The following MICU3 variants were observed in gnomAD, a reference collection of about 807,000 sequenced individuals.
MICU3 encodes the protein mitochondrial calcium uptake 3, also known as calcium uptake protein 3, mitochondrial.
MICU3 carries 62 observed loss-of-function variants against 66.5 expected under a neutral mutation model. The ratio of observed to expected loss-of-function variants is 0.93; its 90% CI spans 0.76 to 1.15. The LOEUF (loss-of-function observed/expected upper bound fraction) is 1.15, where lower values mean the gene tolerates loss of function less well. MICU3 is among the 50% of genes most tolerant of loss of function. The pLI is 0.00. For synonymous variants in MICU3, 308 were observed against 240.7 expected (o/e 1.28, Z -2.59); for missense variants, 779 against 664.4 (o/e 1.17, Z -1.90).
chr8:17,117,798 C>T (rs2150840196), intron 13 of MICU3, among the ~76,000 whole-genome samples: 1 of 152,188 alleles, frequency 6.6e-6, no homozygotes, highest in South Asian at 2.1e-4. Context: ...TTAGTAGAGA[C>T]AGGGTTTTGC....
intron 5 of MICU3, chr8:17,082,007 C>T (rs928431817): frequency 3.6e-6 from 1 of 275,622 alleles, no homozygotes; most frequent in Non-Finnish European, 6.8e-6. Flanking sequence ...CTACCTCAGA[C>T]TCCAAAGGTC....
intron 14 of MICU3, among the ~76,000 whole-genome samples, chr8:17,119,185 G>A (rs1373652466): frequency 1.3e-5 from 2 of 152,102 alleles, no homozygotes; most frequent in Non-Finnish European, 2.9e-5. Flanking sequence ...AAAAATCAAT[G>A]TTTAACAAGT....
chr8:17,054,236 A>G (rs1816548575), intron 1 of MICU3, among the ~76,000 whole-genome samples: 2 of 152,184 alleles, frequency 1.3e-5, no homozygotes, highest in Non-Finnish European at 2.9e-5. Flanking sequence ...AGAAATTGTA[A>G]TATTATTACA....
chr8:17,133,703 G>T, the MICU3 span, among the ~76,000 whole-genome samples: 2 of 152,116 alleles, frequency 1.3e-5, no homozygotes, highest in South Asian at 4.1e-4. Context: ...GACCTAGTTT[G>T]TTTGACCCAC....
Position 17,090,598 on chromosome 8 carries a change from T to C in MICU3, c.888+14T>C. ...CCTACTAATAGTGTATGTACAATAC[T>C]TTAAATGTTCTTTATGTATATAGCC... On this transcript the variant is annotated intron_variant, in intron 8 of 14. Coordinates refer to ENST00000318063, the MANE Select transcript of MICU3 (RefSeq NM_181723.3). 1 of 1,590,298 alleles carries C rather than the reference T, an allele frequency of 6.3e-7. No homozygotes were observed. The highest frequency in any genetic ancestry group is 8.6e-7 in the Non-Finnish European group (1 of 1,164,096).
chr8:17,091,006 CTT>C (rs1403283063), intron 8 of MICU3, among the ~76,000 whole-genome samples: 1 of 151,962 alleles, frequency 6.6e-6, no homozygotes, highest in African/African-American at 2.4e-5. Flanking sequence ...AATGGATAGA[CTT>C]TTTTTCATTT....
intron 14 of MICU3, among the ~76,000 whole-genome samples, chr8:17,119,888 A>G (rs1206918589): frequency 1.3e-5 from 2 of 152,160 alleles, no homozygotes; most frequent in Non-Finnish European, 2.9e-5. Context: ...TGAGTTAACA[A>G]AAGAAGTCAG....
intron 1 of MICU3, among the ~76,000 whole-genome samples, chr8:17,061,440 G>C (rs562094759): frequency 6.6e-6 from 1 of 152,252 alleles, no homozygotes; most frequent in East Asian, 1.9e-4. Context: ...CTGGGGGATT[G>C]TTAGACTATG....
downstream of MICU3, among the ~76,000 whole-genome samples, chr8:17,123,639 A>G (rs1803324227): frequency 2.0e-5 from 3 of 152,264 alleles, no homozygotes; most frequent in Non-Finnish European, 2.9e-5. Flanking sequence ...GGCAATAGAG[A>G]AATATCTCAC....
In MICU3 at chr8:17,068,164, C is replaced by A. The variant is rs183966167; in HGVS notation, c.536-1524C>A. On this transcript the variant is annotated intron_variant, in intron 2 of 14. Transcript: ENST00000318063. ...TTCCACTAGAATTGAAGTCCTTCTT[C>A]ACCTAAGTTATATTTATATGTGCAG... Among the ~76,000 whole-genome samples the A allele has an allele frequency of 7.2e-5, 11 of 152,218 alleles. No individual in the cohort carries two copies. The East Asian group carries it at 2.1e-3, about 29-fold the overall frequency.
intron 1 of MICU3, among the ~76,000 whole-genome samples, chr8:17,027,904 C>G (rs1811298996): frequency 1.3e-5 from 2 of 152,168 alleles, no homozygotes; most frequent in East Asian, 1.9e-4. Flanking sequence ...AAGTATCAAT[C>G]CAAACCCAAA....
chr8:17,046,017 C>T (rs1377169893), intron 1 of MICU3, among the ~76,000 whole-genome samples: 1 of 152,222 alleles, frequency 6.6e-6, no homozygotes, highest in Non-Finnish European at 1.5e-5. Flanking sequence ...AGCATCTCTT[C>T]ATCTGTATGC....
chr8:17,032,675 A>G (rs1215581822), intron 1 of MICU3, among the ~76,000 whole-genome samples: 2 of 152,218 alleles, frequency 1.3e-5, no homozygotes, highest in Admixed American at 1.3e-4. Context: ...TTCCCAGAAT[A>G]TCGAAGAATT....
At chr8:17,061,155 G>A (rs534458634) in intron 1 of MICU3, among the ~76,000 whole-genome samples, 1 of 152,240 alleles carries the variant, frequency 6.6e-6, no homozygotes, top group South Asian at 2.1e-4. Context: ...CTGAACAAAG[G>A]TGGTGGCAGT....
intron 1 of MICU3, among the ~76,000 whole-genome samples, chr8:17,038,178 C>T (rs566450386): frequency 2.6e-5 from 4 of 152,008 alleles, no homozygotes; most frequent in Non-Finnish European, 2.9e-5. Flanking sequence ...TTTGGGAGGG[C>T]CCAGAGGTGG....
At chr8:17,095,156 A>G (rs771350533) in intron 8 of MICU3, among the ~76,000 whole-genome samples, 1 of 151,966 alleles carries the variant, frequency 6.6e-6, no homozygotes, top group Non-Finnish European at 1.5e-5. Flanking sequence ...ATATCTAAGC[A>G]TTTCATTATT....
chr8:17,124,804 T>C (rs1803363000), downstream of MICU3, among the ~76,000 whole-genome samples: 1 of 152,018 alleles, frequency 6.6e-6, no homozygotes, highest in African/African-American at 2.4e-5. Context: ...TCTGAAAGCA[T>C]TGCCCCACTG....
Position 17,027,290 on chromosome 8 carries a change from T to G in MICU3, c.11T>G (p.Leu4Arg), listed in dbSNP as rs770288058. The G allele has an allele frequency of 5.9e-5, 75 of 1,276,838 alleles. No homozygotes were observed. The highest frequency in any genetic ancestry group is 7.6e-5 in the Non-Finnish European group (75 of 991,136). 79.1% of individuals were successfully genotyped at this position (1,276,838 alleles called of 1,614,324 possible). Residue 4 changes from leucine to arginine, a missense_variant, in exon 1 of 15, where the codon CTG becomes CGG. Transcript: ENST00000318063. MAA[L>R]RRLLWPPPRV... The stretch of plus-strand genomic sequence containing the variant: ...TGGGCGGCCTCCGCTATGGCTGCGC[T>G]GCGAAGGCTCTTGTGGCCGCCACCC...
chr8:17,094,819 T>C (rs1042377812), intron 8 of MICU3, among the ~76,000 whole-genome samples: 7 of 152,048 alleles, frequency 4.6e-5, no homozygotes, highest in Non-Finnish European at 2.9e-5. Flanking sequence ...CATGCAGCAG[T>C]AGTGCTGTAT....
Sources: allele counts gnomAD v4.1 joint callset (sites outside exome capture counted in the v4.1 genomes callset), GRCh38; gene constraint gnomAD v4.1.1; transcripts MANE v1.5; gene names NCBI Gene and HGNC (gene_info 2026-07-23, HGNC 2026-07-21).